Variants in ABTB3 observed in about 807,000 individuals in gnomAD.
ABTB3 encodes the protein ankyrin repeat- and BTB/POZ domain-containing protein 3.
At chr12:107,481,967 T>C in the ABTB3 span, among the ~76,000 whole-genome samples, 6 of 150,734 alleles carry the variant, frequency 4.0e-5, no homozygotes, top group Middle Eastern at 0.021. Context: ...AATGCACCTG[T>C]GGGCTCTGAG....
the ABTB3 span, among the ~76,000 whole-genome samples, chr12:107,403,930 A>C: frequency 6.6e-6 from 1 of 152,156 alleles, no homozygotes; most frequent in Non-Finnish European, 1.5e-5. Context: ...TGGGAGGCCA[A>C]GGCAGGTGGA....
the ABTB3 span, among the ~76,000 whole-genome samples, chr12:107,632,937 C>T: frequency 6.6e-6 from 1 of 152,248 alleles, no homozygotes; most frequent in Non-Finnish European, 1.5e-5. Context: ...AGCAACAGAG[C>T]ATCAAGTCCT....
At chr12:107,598,453 C>G in the ABTB3 span, among the ~76,000 whole-genome samples, 1 of 152,180 alleles carries the variant, frequency 6.6e-6, no homozygotes, top group East Asian at 1.9e-4. Flanking sequence ...AATGTATTCC[C>G]TAGCTAAGTG....
the ABTB3 span, among the ~76,000 whole-genome samples, chr12:107,616,725 T>C: frequency 2.6e-5 from 4 of 152,234 alleles, no homozygotes; most frequent in Non-Finnish European, 4.4e-5. Context: ...AGCATTCCTG[T>C]GCCAAGAACC....
the ABTB3 span, among the ~76,000 whole-genome samples, chr12:107,355,657 G>T: frequency 1.3e-3 from 201 of 152,188 alleles, 1 homozygote; most frequent in Non-Finnish European, 2.5e-3. Context: ...CATCTAACAG[G>T]TTTATTATAT....
At chr12:107,428,164 G>A in the ABTB3 span, among the ~76,000 whole-genome samples, 18 of 152,206 alleles carry the variant, frequency 1.2e-4, no homozygotes, top group African/African-American at 1.9e-4. Context: ...TTGTTGAATG[G>A]CTGGTTGAAA....
At chr12:107,606,033 G>A in the ABTB3 span, among the ~76,000 whole-genome samples, 2 of 152,206 alleles carry the variant, frequency 1.3e-5, no homozygotes, top group East Asian at 1.9e-4. Context: ...TTGAGGGTCT[G>A]AGAGCCATCC....
the ABTB3 span, among the ~76,000 whole-genome samples, chr12:107,552,646 C>T: frequency 0.11 from 16,425 of 152,146 alleles, 954 homozygotes; most frequent in African/African-American, 0.13. Flanking sequence ...TCTTTCATGC[C>T]AAAGTTAATG....
chr12:107,438,611 C>T, the ABTB3 span, among the ~76,000 whole-genome samples: 11 of 152,260 alleles, frequency 7.2e-5, no homozygotes, highest in African/African-American at 1.7e-4. Context: ...ACGCATCTTC[C>T]GGCAGATAAA....
At chr12:107,398,278 C>T in the ABTB3 span, among the ~76,000 whole-genome samples, 1 of 152,202 alleles carries the variant, frequency 6.6e-6, no homozygotes, top group Admixed American at 6.5e-5. Context: ...TTCCTGAAGC[C>T]TGGTGTTTAT....
chr12:107,611,736 GT>G, the ABTB3 span, among the ~76,000 whole-genome samples: 1 of 152,068 alleles, frequency 6.6e-6, no homozygotes, highest in Non-Finnish European at 1.5e-5. Context: ...CAGAACTTTT[GT>G]TTCCTTTTAC....
chr12:107,469,866 T>TTTTCTTTCTTTCTTTTTCTTTC, the ABTB3 span, among the ~76,000 whole-genome samples: 57 of 75,568 alleles, frequency 7.5e-4, 1 homozygote, highest in African/African-American at 2.5e-3. Flanking sequence ...TCTTTCTTTC[T>TTTTCTTTCTTTCTTTTTCTTTC]TTTCTTTCTT....
At chr12:107,562,578 C>T in the ABTB3 span, among the ~76,000 whole-genome samples, 1 of 152,336 alleles carries the variant, frequency 6.6e-6, no homozygotes, top group Admixed American at 6.5e-5. Context: ...GGGTCAGATC[C>T]TACAGGTCCC....
the ABTB3 span, among the ~76,000 whole-genome samples, chr12:107,429,977 AAGAAC>A: frequency 6.6e-6 from 1 of 152,242 alleles, no homozygotes; most frequent in Admixed American, 6.5e-5. Context: ...AATAAGCATG[AAGAAC>A]AGATACCACA....
the ABTB3 span, among the ~76,000 whole-genome samples, chr12:107,427,466 C>G: frequency 1.3e-5 from 2 of 152,002 alleles, no homozygotes; most frequent in Non-Finnish European, 2.9e-5. Context: ...TTTTTGTAGA[C>G]ATGGGGTCTT....
At chr12:107,597,193 C>T in the ABTB3 span, among the ~76,000 whole-genome samples, 3 of 152,166 alleles carry the variant, frequency 2.0e-5, no homozygotes, top group African/African-American at 7.2e-5. Context: ...GAAATTAGGA[C>T]ATTGGAGAAA....
chr12:107,510,615 C>T, the ABTB3 span, among the ~76,000 whole-genome samples: 1 of 151,916 alleles, frequency 6.6e-6, no homozygotes, highest in Non-Finnish European at 1.5e-5. Flanking sequence ...GTAAAGCATT[C>T]GGAAAGGTTT....
the ABTB3 span, among the ~76,000 whole-genome samples, chr12:107,593,312 T>C: frequency 6.6e-6 from 1 of 152,224 alleles, no homozygotes; most frequent in African/African-American, 2.4e-5. Flanking sequence ...TAACATACTA[T>C]CTGGCCCTTT....
the ABTB3 span, among the ~76,000 whole-genome samples, chr12:107,377,281 T>C: frequency 6.6e-6 from 1 of 152,170 alleles, no homozygotes; most frequent in Non-Finnish European, 1.5e-5. Context: ...CCCACCAGAA[T>C]GGCCTGAGGC....
Sources: allele counts gnomAD v4.1 joint callset (sites outside exome capture counted in the v4.1 genomes callset), GRCh38; gene constraint gnomAD v4.1.1; transcripts MANE v1.5; gene names NCBI Gene and HGNC (gene_info 2026-07-23, HGNC 2026-07-21).